SPECC1: variants seen among roughly 807,000 people sequenced by gnomAD.
The protein encoded by SPECC1 is cytospin-B.
Under a neutral mutation model 104.1 loss-of-function variants are expected in SPECC1, and 62 were observed. The observed-to-expected ratio is 0.60, with a 90% CI of 0.49 to 0.74. The LOEUF is 0.74. Among genes scored for constraint, SPECC1 ranks in the 30% least tolerant of loss-of-function variants. The pLI is 0.00. For missense variants in SPECC1, 1,306 were observed against 1,310.5 expected (o/e 1.00, Z 0.05); for synonymous variants, 513 against 501.6 (o/e 1.02, Z -0.30).
intron 1 of SPECC1, among the ~76,000 whole-genome samples, chr17:20,035,437 T>TGGAA (rs1422148443): frequency 3.6e-4 from 55 of 152,232 alleles, no homozygotes; most frequent in Non-Finnish European, 6.8e-4. Context: ...TCACGCTATT[T>TGGAA]AAGTCTTCTT....
chr17:20,307,677 TTAAGAG>T (rs1219971964), intron 14 of SPECC1, among the ~76,000 whole-genome samples: 1 of 152,094 alleles, frequency 6.6e-6, no homozygotes, highest in African/African-American at 2.4e-5. Context: ...GTCTCAGAGT[TTAAGAG>T]ACAGGGACAA....
At chr17:20,090,961 T>C (rs1164430335) in intron 1 of SPECC1, among the ~76,000 whole-genome samples, 4 of 152,200 alleles carry the variant, frequency 2.6e-5, no homozygotes, top group African/African-American at 9.6e-5. Flanking sequence ...CTATTCTTTA[T>C]GGGTCTTCAC....
chr17:20,217,568 A>C (rs945206065), intron 4 of SPECC1, among the ~76,000 whole-genome samples: 1 of 152,114 alleles, frequency 6.6e-6, no homozygotes, highest in African/African-American at 2.4e-5. Context: ...AACCACATGC[A>C]TGTTTCTAGA....
intron 3 of SPECC1, among the ~76,000 whole-genome samples, chr17:20,183,908 C>T (rs1056178300): frequency 2.0e-5 from 3 of 151,672 alleles, no homozygotes; most frequent in East Asian, 1.9e-4. Flanking sequence ...TGGTGGCTCA[C>T]GCTTATAATC....
At chr17:20,297,761 C>T (rs1340362167) in intron 13 of SPECC1, among the ~76,000 whole-genome samples, 1 of 152,290 alleles carries the variant, frequency 6.6e-6, no homozygotes, top group African/African-American at 2.4e-5. Flanking sequence ...GACCTAGAAC[C>T]TCCTACAAAA....
chr17:20,123,783 C>T (rs1338122186), intron 3 of SPECC1, among the ~76,000 whole-genome samples: 1 of 152,208 alleles, frequency 6.6e-6, no homozygotes, highest in Non-Finnish European at 1.5e-5. Flanking sequence ...GCATTCTTTG[C>T]TCACTATGTG....
chr17:20,200,608 T>G (rs1001232377), intron 3 of SPECC1, among the ~76,000 whole-genome samples: 2 of 152,236 alleles, frequency 1.3e-5, no homozygotes, highest in Admixed American at 1.3e-4. Context: ...TCTCAGGACT[T>G]CAGAGTGCTT....
Position 20,204,599 on chromosome 17 carries a change from A to AT in SPECC1, c.552dup (p.Asn185Ter). On this transcript the variant is annotated frameshift_variant, in exon 4 of 15. Coordinates refer to ENST00000395527, the MANE Select transcript of SPECC1 (RefSeq NM_001243439.2). LOFTEE classifies it high-confidence loss of function. The stretch of plus-strand genomic sequence containing the variant: ...AGAAGCCAAAGCAAAAGATAGTGAA[A>AT]TTAACAGGCTTCGAAGTGAACTAAA... 6.2e-7 allele frequency: 1 copy of AT among 1,614,242 alleles called. No individual in the cohort carries two copies. The highest frequency in any genetic ancestry group is 8.5e-7 in the Non-Finnish European group (1 of 1,180,042).
chr17:20,316,891 G>A lies in SPECC1; in HGVS notation c.*2826G>A. 4.7e-6 allele frequency: 1 copy of A among 213,404 alleles called. No homozygotes were observed. The highest frequency in any genetic ancestry group is 6.9e-5 in the East Asian group (1 of 14,542). 13.2% of individuals were successfully genotyped at this position (213,404 alleles called of 1,614,324 possible). A position where few individuals can be genotyped will look rare whatever the true frequency, so the allele number is the denominator to read the frequency against. The stretch of plus-strand genomic sequence containing the variant: ...GCGGTGTCCCTCCCTCCCCGCTGGG[G>A]CCATACCAGCCCCTCTCCACTGGGA... On this transcript the variant is annotated 3_prime_UTR_variant, in exon 15 of 15. Coordinates refer to ENST00000395527, the MANE Select transcript of SPECC1 (RefSeq NM_001243439.2).
At chr17:20,291,240 A>C (rs1462184672) in intron 12 of SPECC1, among the ~76,000 whole-genome samples, 2 of 152,202 alleles carry the variant, frequency 1.3e-5, no homozygotes, top group Non-Finnish European at 1.5e-5. Flanking sequence ...TCACTCCTCT[A>C]GAATCTGCCC....
intron 12 of SPECC1, among the ~76,000 whole-genome samples, chr17:20,285,836 A>G (rs1388119035): frequency 9.4e-6 from 1 of 106,480 alleles, no homozygotes; most frequent in Non-Finnish European, 1.8e-5. Flanking sequence ...TTTTTTTGAT[A>G]GGGTCTCGCT....
chr17:20,187,043 A>AT (rs144994400), intron 3 of SPECC1, among the ~76,000 whole-genome samples: 9,073 of 149,472 alleles, frequency 0.061, 344 homozygotes, highest in Non-Finnish European at 0.089. Flanking sequence ...TGAACTTTGG[A>AT]TTTTTTTTTT....
chr17:20,277,056 G>A lies in SPECC1; in HGVS notation c.2940+16762G>A, dbSNP rs192649298. Among the ~76,000 whole-genome samples the A allele has an allele frequency of 3.9e-5, 6 of 152,342 alleles. No individual in the cohort carries two copies. The East Asian group carries it at 1.2e-3, about 29-fold the overall frequency. On this transcript the variant is annotated intron_variant, in intron 12 of 14. Transcript: ENST00000395527. ...TGGAGCACTGTGAGTTGGAGGAGTC[G>A]GGCTCGGATAGCAGCCTGCAAGGGT...
At chr17:20,016,973 T>C (rs1451023573) in intron 1 of SPECC1, among the ~76,000 whole-genome samples, 1 of 152,186 alleles carries the variant, frequency 6.6e-6, no homozygotes, top group African/African-American at 2.4e-5. Flanking sequence ...AGCTCAGGGA[T>C]TGTAAACGCA....
chr17:20,031,361 C>T (rs573046562), intron 1 of SPECC1, among the ~76,000 whole-genome samples: 1 of 151,990 alleles, frequency 6.6e-6, no homozygotes, highest in African/African-American at 2.4e-5. Context: ...CTCTTATTGC[C>T]CAGGCTAGAG....
intron 8 of SPECC1, 45 bp from the exon 9 acceptor site, chr17:20,247,174 T>C (rs769947519): frequency 1.2e-5 from 18 of 1,466,916 alleles, no homozygotes; most frequent in Admixed American, 7.1e-5. Context: ...TATGCTATTT[T>C]GAAGTGGAAC....
chr17:20,278,754 C>T (rs75957082), intron 12 of SPECC1, among the ~76,000 whole-genome samples: 4,044 of 151,840 alleles, frequency 0.027, 182 homozygotes, highest in African/African-American at 0.092. Flanking sequence ...ATGAGTTAGC[C>T]TCGTCTTCTG....
At chr17:20,291,314 C>T (rs1027824999) in intron 12 of SPECC1, among the ~76,000 whole-genome samples, 1 of 152,246 alleles carries the variant, frequency 6.6e-6, no homozygotes, top group Non-Finnish European at 1.5e-5. Flanking sequence ...GCTGCAGGGC[C>T]TCTTTCAGCA....
chr17:20,098,053 C>G (rs2047736253), intron 2 of SPECC1, among the ~76,000 whole-genome samples: 1 of 152,190 alleles, frequency 6.6e-6, no homozygotes, highest in African/African-American at 2.4e-5. Flanking sequence ...TTTTAACACT[C>G]TAAGTGGATA....
Sources: allele counts gnomAD v4.1 joint callset (sites outside exome capture counted in the v4.1 genomes callset), GRCh38; gene constraint gnomAD v4.1.1; transcripts MANE v1.5; gene names NCBI Gene and HGNC (gene_info 2026-07-23, HGNC 2026-07-21).